The following SPOCK3 variants were observed in gnomAD, a reference collection of about 807,000 sequenced individuals.
The protein encoded by SPOCK3 is testican-3.
A neutral mutation model predicts 56.6 loss-of-function variants in SPOCK3; 30 were observed. The observed-to-expected ratio is 0.53, with a 90% confidence interval of 0.40 to 0.72. SPOCK3 has a LOEUF of 0.72. Among genes scored for constraint, SPOCK3 ranks in the 30% least tolerant of loss-of-function variants. SPOCK3 has a pLI of 0.00. For missense variants in SPOCK3, 527 were observed against 530.0 expected (o/e 0.99, Z 0.06); for synonymous variants, 196 against 183.3 (o/e 1.07, Z -0.56).
At chr4:167,106,835 A>G (rs7340962) in intron 2 of SPOCK3, among the ~76,000 whole-genome samples, 137,707 of 150,928 alleles carry the variant, frequency 0.91, 62,965 homozygotes, top group East Asian at 0.99. Flanking sequence ...AATTGATACC[A>G]CAGAAATTGA....
chr4:166,817,028 T>C (rs879350218), intron 6 of SPOCK3, among the ~76,000 whole-genome samples: 1 of 152,076 alleles, frequency 6.6e-6, no homozygotes, highest in African/African-American at 2.4e-5. Flanking sequence ...CATCGTTTTA[T>C]GAATATTGGC....
At chr4:166,980,494 T>G (rs1321667505) in intron 4 of SPOCK3, among the ~76,000 whole-genome samples, 4 of 152,228 alleles carry the variant, frequency 2.6e-5, no homozygotes, top group Admixed American at 2.6e-4. Context: ...TTGGGCCCAC[T>G]GGGCTCATTC....
chr4:166,801,164 A>T (rs1290235888), intron 6 of SPOCK3, among the ~76,000 whole-genome samples: 1 of 152,154 alleles, frequency 6.6e-6, no homozygotes, highest in African/African-American at 2.4e-5. Context: ...ATGCTCCCAC[A>T]ATAACAAATG....
intron 2 of SPOCK3, among the ~76,000 whole-genome samples, chr4:167,106,554 A>G (rs1463078524): frequency 6.6e-6 from 1 of 151,820 alleles, no homozygotes; most frequent in Non-Finnish European, 1.5e-5. Context: ...TCAAATAAAT[A>G]ATGTAATGAT....
chr4:167,138,291 T>G (rs1298955378), intron 2 of SPOCK3, among the ~76,000 whole-genome samples: 2 of 152,038 alleles, frequency 1.3e-5, no homozygotes, highest in African/African-American at 4.8e-5. Context: ...CTCTATTGTC[T>G]CTACTATTTT....
intron 6 of SPOCK3, among the ~76,000 whole-genome samples, chr4:166,814,038 T>G (rs539824664): frequency 6.6e-6 from 1 of 152,092 alleles, no homozygotes; most frequent in African/African-American, 2.4e-5. Context: ...AGGAACAATA[T>G]CCCCCACCTT....
chr4:166,908,806 T>C (rs17599065), intron 5 of SPOCK3, among the ~76,000 whole-genome samples: 1,718 of 152,142 alleles, frequency 0.011, 18 homozygotes, highest in South Asian at 0.038. Flanking sequence ...CTAACATAAA[T>C]GGTATATTGA....
intron 6 of SPOCK3, among the ~76,000 whole-genome samples, chr4:166,826,025 C>T (rs1249344978): frequency 1.3e-5 from 2 of 152,004 alleles, no homozygotes; most frequent in South Asian, 2.1e-4. Context: ...ACCACCTGTT[C>T]CCCAAAAACT....
intron 5 of SPOCK3, among the ~76,000 whole-genome samples, chr4:166,912,203 T>C (rs980334367): frequency 6.6e-6 from 1 of 152,164 alleles, no homozygotes; most frequent in Admixed American, 6.6e-5. Context: ...TCCTGTTTTT[T>C]TCATCTGGTA....
intron 4 of SPOCK3, among the ~76,000 whole-genome samples, chr4:166,940,688 T>C (rs997336692): frequency 6.6e-6 from 1 of 150,882 alleles, no homozygotes; most frequent in Non-Finnish European, 1.5e-5. Context: ...CTACTGTGTA[T>C]GTGCACCCAG....
chr4:167,212,310 C>T (rs1199715884), intron 2 of SPOCK3, among the ~76,000 whole-genome samples: 2 of 149,378 alleles, frequency 1.3e-5, no homozygotes, highest in Non-Finnish European at 3.0e-5. Flanking sequence ...GGTGTGATCT[C>T]GGCTCACAGC....
chr4:166,840,660 T>C (rs1747139470), intron 6 of SPOCK3, among the ~76,000 whole-genome samples: 1 of 150,874 alleles, frequency 6.6e-6, no homozygotes, highest in Admixed American at 6.6e-5. Context: ...GTCCACCTTC[T>C]CCCTACATTT....
At chr4:167,103,988 G>T (rs944723917) in intron 2 of SPOCK3, among the ~76,000 whole-genome samples, 1 of 152,134 alleles carries the variant, frequency 6.6e-6, no homozygotes, top group Non-Finnish European at 1.5e-5. Context: ...GACCACCAAG[G>T]CAGTACCACA....
intron 2 of SPOCK3, among the ~76,000 whole-genome samples, chr4:167,212,673 A>C (rs939360320): frequency 1.3e-5 from 2 of 152,150 alleles, no homozygotes; most frequent in Non-Finnish European, 2.9e-5. Flanking sequence ...GTCTCAGTAA[A>C]CTTTAATGTA....
chr4:167,119,946 A>G (rs549591209), intron 2 of SPOCK3: 1 of 965,598 alleles, frequency 1.0e-6, no homozygotes, highest in Non-Finnish European at 1.5e-6. Context: ...CCCCTTTCTG[A>G]TGAAAATAGC....
Position 167,168,526 on chromosome 4 carries a change from T to C in SPOCK3, c.189+65459A>G, listed in dbSNP as rs546192963. Among the ~76,000 whole-genome samples, 124 of 152,216 alleles carry C rather than the reference T, an allele frequency of 8.1e-4. 1 individual carries two copies. The highest frequency in any genetic ancestry group is 1.0e-4 in the Non-Finnish European group (7 of 67,984). On this transcript the variant is annotated intron_variant, in intron 2 of 10. Coordinates refer to ENST00000357545, the MANE Select transcript of SPOCK3 (RefSeq NM_001040159.2). ...ACTAGAGTAAATGTCACTCTGTCTATGAGAAGAGACTGGCAGCATTTTGCC... is the reference window on the plus strand; with the variant it reads ...ACTAGAGTAAATGTCACTCTGTCTACGAGAAGAGACTGGCAGCATTTTGCC...
intron 3 of SPOCK3, among the ~76,000 whole-genome samples, chr4:167,032,631 T>C (rs1166757908): frequency 1.3e-5 from 2 of 151,994 alleles, no homozygotes; most frequent in East Asian, 3.9e-4. Context: ...AGAACATACA[T>C]GTGTGTTTAT....
chr4:167,000,296 T>A, intron 4 of SPOCK3, 53 bp downstream of exon 4: 3 of 857,904 alleles, frequency 3.5e-6, no homozygotes, highest in South Asian at 3.3e-5. Context: ...TCTGCAGTTA[T>A]TCCTGGTAAG....
At chr4:166,934,059 T>C (rs1740092716) in intron 4 of SPOCK3, among the ~76,000 whole-genome samples, 1 of 152,042 alleles carries the variant, frequency 6.6e-6, no homozygotes. Flanking sequence ...AATCTCAAAC[T>C]CTTCATAATT....
Sources: allele counts gnomAD v4.1 joint callset (sites outside exome capture counted in the v4.1 genomes callset), GRCh38; gene constraint gnomAD v4.1.1; transcripts MANE v1.5; gene names NCBI Gene and HGNC (gene_info 2026-07-23, HGNC 2026-07-21).